Variants in ACAD11 observed in about 807,000 individuals in gnomAD.
ACAD11 encodes acyl-Coenzyme A dehydrogenase family, member 11.
Under a neutral mutation model 102.2 loss-of-function variants are expected in ACAD11, and 83 were observed. That is an observed-to-expected ratio of 0.81 (90% confidence interval 0.68 to 0.97). The LOEUF is 0.97. Among genes scored for constraint, ACAD11 ranks in the 50% least tolerant of loss-of-function variants. The probability of loss-of-function intolerance (pLI) is 0.00; values close to 1 mark genes in which losing one functional copy is unlikely to be tolerated. For synonymous variants in ACAD11, 324 were observed against 319.8 expected, an observed-to-expected ratio of 1.01 and a Z score of -0.14; for missense variants, 901 against 951.7, an observed-to-expected ratio of 0.95 and a Z score of 0.70.
intron 13 of ACAD11, among the ~76,000 whole-genome samples, chr3:132,582,866 T>A (rs72998140): frequency 0.026 from 3,901 of 152,202 alleles, 163 homozygotes; most frequent in African/African-American, 0.088. Context: ...CTCAGAGTTG[T>A]AAGAACATGC....
rs1002085366 is a variant in ACAD11 at position 132,613,054 on chromosome 3, T to G, written c.1414+5580A>C. ...TGGAATACTATGCAGCCATAAAAAA[T>G]AATGAGTTCATGTCCTTTGTAGGGA... On this transcript the variant is annotated intron_variant, in intron 11 of 19. Transcript: ENST00000264990. Among the ~76,000 whole-genome samples the G allele has an allele frequency of 7.8e-4, 119 of 152,028 alleles. 3 individuals carry two copies. Among genetic ancestry groups the G allele is most frequent in the Middle Eastern group, 3.4e-3 (1 of 294 alleles).
At chr3:132,626,931 G>A (rs1013704107) in intron 8 of ACAD11, 114 bp from the exon 9 acceptor site, 4 of 964,602 alleles carry the variant, frequency 4.1e-6, no homozygotes, top group Non-Finnish European at 5.9e-6. Flanking sequence ...TCCCCCAGAA[G>A]GAGTAGCTGT....
At chr3:132,629,300 A>G (rs1939941576) in intron 7 of ACAD11, among the ~76,000 whole-genome samples, 1 of 152,142 alleles carries the variant, frequency 6.6e-6, no homozygotes, top group Non-Finnish European at 1.5e-5. Context: ...CTGGGACTAC[A>G]GGCCCACATG....
intron 1 of ACAD11, among the ~76,000 whole-genome samples, chr3:132,657,866 C>CTTTTT (rs56190801): frequency 5.0e-5 from 6 of 119,166 alleles, no homozygotes; most frequent in South Asian, 2.9e-4. Flanking sequence ...ACACATATTC[C>CTTTTT]TTTTTTTTTT....
In ACAD11 at chr3:132,609,324, A is replaced by G. The variant is rs1939006040; in HGVS notation, c.1415-4119T>C. 2.0e-5 allele frequency among the ~76,000 whole-genome samples: 3 copies of G among 152,262 alleles called. No individual in the cohort carries two copies. The South Asian group carries it at 6.2e-4, about 32-fold the overall frequency. ...ACTGAAGGAGATAGGGACAAGAAAA[A>G]CCCTTCAAAAAATAAATGAATCCAG... On this transcript the variant is annotated intron_variant, in intron 11 of 19. Coordinates refer to ENST00000264990, the MANE Select transcript of ACAD11 (RefSeq NM_032169.5).
chr3:132,596,868 ATTT>A (rs1328891409), intron 13 of ACAD11, among the ~76,000 whole-genome samples: 4 of 152,212 alleles, frequency 2.6e-5, no homozygotes, highest in African/African-American at 7.2e-5. Context: ...ATCTTTGATA[ATTT>A]AGTCTTCAAA....
intron 13 of ACAD11, among the ~76,000 whole-genome samples, chr3:132,586,862 G>A (rs989280527): frequency 6.6e-6 from 1 of 152,230 alleles, no homozygotes; most frequent in Non-Finnish European, 1.5e-5. Flanking sequence ...GGAAGCTGAG[G>A]TGGGCGGATC....
intron 12 of ACAD11, 48 bp downstream of exon 12, chr3:132,605,050 C>A: frequency 1.4e-6 from 2 of 1,451,208 alleles, no homozygotes; most frequent in African/African-American, 1.4e-5. Context: ...TCCATAATAA[C>A]TCCGGGACGA....
chr3:132,612,469 C>G (rs1239571297), intron 11 of ACAD11, among the ~76,000 whole-genome samples: 1 of 151,906 alleles, frequency 6.6e-6, no homozygotes, highest in African/African-American at 2.4e-5. Context: ...TTATTGCAAC[C>G]TACTCATCTG....
chr3:132,636,171 T>A (rs1242442125), intron 5 of ACAD11, among the ~76,000 whole-genome samples: 2 of 152,168 alleles, frequency 1.3e-5, no homozygotes, highest in African/African-American at 4.8e-5. Context: ...GCAAATTAAT[T>A]AGCAATAGCT....
At chr3:132,587,751 A>G (rs1393914226) in intron 13 of ACAD11, among the ~76,000 whole-genome samples, 2 of 152,202 alleles carry the variant, frequency 1.3e-5, no homozygotes, top group East Asian at 3.8e-4. Context: ...TTGACAGGCA[A>G]TTAACTTAGG....
At chr3:132,559,970 CTTCT>C (rs1937004342) in intron 18 of ACAD11, 28 bp from the exon 19 acceptor site, 1 of 1,562,842 alleles carries the variant, frequency 6.4e-7, no homozygotes, top group Non-Finnish European at 8.8e-7. Flanking sequence ...GAAAAGAATG[CTTCT>C]TTCTTAGACT....
rs375576395 is a variant in ACAD11, at chr3:132,575,860, C to G, written c.1913G>C (p.Arg638Thr). The G allele has an allele frequency of 1.9e-6, 3 of 1,614,032 alleles. No individual in the cohort carries two copies. Among genetic ancestry groups the G allele is most frequent in the Non-Finnish European group, 2.5e-6 (3 of 1,179,976 alleles). ...AGCGCGTTCCGCCAAACCTACTGTT[C>G]TCATACAGTGGTGGATTCTGCCAGG... Reference protein sequence around the residue: ...LGPGRIHHCMRTVGLAERALQ... With the variant: ...LGPGRIHHCMTTVGLAERALQ... Residue 638 changes from arginine to threonine, a missense_variant, in exon 17 of 20, where the codon AGA becomes ACA. Coordinates refer to ENST00000264990, the MANE Select transcript of ACAD11 (RefSeq NM_032169.5).
chr3:132,613,391 C>G, intron 11 of ACAD11, among the ~76,000 whole-genome samples: 1 of 146,012 alleles, frequency 6.8e-6, no homozygotes, highest in Non-Finnish European at 1.5e-5. Context: ...ATAAAAATAA[C>G]TAAATAAAAA....
chr3:132,619,629 A>C (rs1939537364), intron 9 of ACAD11, 84 bp from the exon 10 acceptor site: 1 of 703,796 alleles, frequency 1.4e-6, no homozygotes, highest in Admixed American at 3.0e-5. Context: ...ATCTAAAATA[A>C]ACATTTTTAG....
At chr3:132,623,891 C>T (rs537636467) in intron 9 of ACAD11, among the ~76,000 whole-genome samples, 2 of 152,248 alleles carry the variant, frequency 1.3e-5, no homozygotes, top group African/African-American at 2.4e-5. Flanking sequence ...ATTGCAAGTA[C>T]TAGCATGCTA....
At chr3:132,631,164 TA>T (rs998793030) in intron 6 of ACAD11, among the ~76,000 whole-genome samples, 176 bp downstream of exon 6, 59 of 149,998 alleles carry the variant, frequency 3.9e-4, no homozygotes, top group African/African-American at 1.3e-3. Context: ...AAAAATAAAT[TA>T]AAAAAAAGAA....
rs139921580 is a variant in ACAD11, at chr3:132,570,781, G to A, written c.2001+4991C>T. Among the ~76,000 whole-genome samples the A allele has an allele frequency of 3.6e-3, 551 of 152,104 alleles. 8 individuals carry two copies. Among genetic ancestry groups the A allele is most frequent in the African/African-American group, 0.012 (515 of 41,482 alleles). On this transcript the variant is annotated intron_variant, in intron 17 of 19. Transcript: ENST00000264990. ...GTGGTATTTAGTTTTCTGTTCCTGC[G>A]TTAGTTGGCTAAGGATAATGACCTC...
chr3:132,659,775 A>G lies in ACAD11; in HGVS notation c.-24T>C. ...ATGATCACCCCCGCAGGCCACAGCA[A>G]CGCGGCATCCACAGGTCTCGAGTGC... On this transcript the variant is annotated 5_prime_UTR_variant, in exon 1 of 20. Coordinates refer to ENST00000264990, the MANE Select transcript of ACAD11 (RefSeq NM_032169.5). The G allele has an allele frequency of 6.4e-7, 1 of 1,571,732 alleles. No homozygotes were observed. The highest frequency in any genetic ancestry group is 8.6e-7 in the Non-Finnish European group (1 of 1,157,526).
Sources: allele counts gnomAD v4.1 joint callset (sites outside exome capture counted in the v4.1 genomes callset), GRCh38; gene constraint gnomAD v4.1.1; transcripts MANE v1.5; gene names NCBI Gene and HGNC (gene_info 2026-07-23, HGNC 2026-07-21).